The following NPC1 variants were observed in gnomAD, a reference collection of about 807,000 sequenced individuals.
The protein encoded by NPC1 is Niemann-Pick C1 protein.
NPC1 carries 85 observed loss-of-function variants against 140.4 expected under a neutral mutation model. The ratio of observed to expected loss-of-function variants is 0.61; its 90% CI spans 0.51 to 0.72. The LOEUF (loss-of-function observed/expected upper bound fraction) is 0.72, where lower values mean the gene tolerates loss of function less well. Ranked by LOEUF, NPC1 falls within the 30% of genes least tolerant of loss-of-function variation. NPC1 has a pLI of 0.00. For synonymous variants in NPC1, 656 were observed against 624.8 expected, an observed-to-expected ratio of 1.05 and a Z score of -0.74; for missense variants, 1,504 against 1,623.8, an observed-to-expected ratio of 0.93 and a Z score of 1.27.
intron 10 of NPC1, among the ~76,000 whole-genome samples, chr18:23,550,479 C>CTTTTTTTTTTCTT (rs2058854216): frequency 1.3e-5 from 1 of 74,922 alleles, no homozygotes; most frequent in Non-Finnish European, 2.2e-5. Flanking sequence ...TCTTACATTT[C>CTTTTTTTTTTCTT]TTTTTTTTTT....
At position 23,534,320 on chromosome 18, in the gene NPC1, G is replaced by C. The variant is rs186382973; in HGVS notation, c.3591+126C>G. On this transcript the variant is annotated intron_variant, in intron 23 of 24. Transcript: ENST00000269228. ...GTCCACGATGTGGCAGCTAATTCAT[G>C]AATTGCCTGAAAGCTTGCAATCCTT... 3.9e-4 allele frequency: 283 copies of C among 730,080 alleles called. 1 individual carries two copies. The African/African-American group carries it at 4.4e-3, about 11-fold the overall frequency. 45.2% of individuals were successfully genotyped at this position (730,080 alleles called of 1,614,324 possible). A position where few individuals can be genotyped will look rare whatever the true frequency, so the allele number is the denominator to read the frequency against.
At chr18:23,527,815 G>T (rs2058350658), downstream of NPC1, 2 of 1,613,964 alleles carry the variant, frequency 1.2e-6, no homozygotes, top group Non-Finnish European at 1.7e-6. Flanking sequence ...GTCAGACAGA[G>T]CATCGCTGCC....
rs370323921 is a variant in NPC1 at position 23,544,391 on chromosome 18, G to C, written c.2083C>G (p.Leu695Val). 11 of 1,614,066 alleles carry C rather than the reference G, an allele frequency of 6.8e-6. No individual in the cohort carries two copies. Among genetic ancestry groups the C allele is most frequent in the Non-Finnish European group, 9.3e-6 (11 of 1,180,034 alleles). The change falls in exon 13 of 25, where the codon CTG becomes GTG. Residue 695 changes from leucine (L) to valine (V), a missense_variant. Leu to Val is a conservative substitution (Grantham distance 32). Transcript: ENST00000269228. Reference protein sequence around the residue: ...IVIEVIPFLVLAVGVDNIFIL... With the variant: ...IVIEVIPFLVVAVGVDNIFIL... ...AAGATGTTGTCCACTCCAACAGCCA[G>C]CACCAGGAACGGGATGACTTCAATC...
At chr18:23,507,975 T>C in intron 3 of NPC1, 1 of 1,610,482 alleles carries the variant, frequency 6.2e-7, no homozygotes, top group East Asian at 2.2e-5. Flanking sequence ...CTGTGTGTTT[T>C]TCCTTTCAGG....
At chr18:23,573,602 G>A (rs1383706647) in intron 1 of NPC1, 28 bp from the exon 2 acceptor site, 1 of 1,613,968 alleles carries the variant, frequency 6.2e-7, no homozygotes, top group Non-Finnish European at 8.5e-7. Flanking sequence ...AAACTTCAGT[G>A]TTACCAGGGT....
downstream of NPC1, chr18:23,518,842 A>C (rs773357626): frequency 1.3e-6 from 2 of 1,554,976 alleles, no homozygotes; most frequent in African/African-American, 2.7e-5. Flanking sequence ...AGAACAAAGG[A>C]ATTTTGAATG....
intron 3 of NPC1, chr18:23,509,109 A>G: frequency 2.2e-6 from 1 of 451,712 alleles, no homozygotes; most frequent in Non-Finnish European, 3.7e-6. Context: ...AGAATGACAA[A>G]CTGCAGAGTT....
intron 17 of NPC1, 51 bp downstream of exon 17, chr18:23,540,397 T>C: frequency 1.7e-6 from 2 of 1,170,894 alleles, no homozygotes; most frequent in South Asian, 2.6e-5. Flanking sequence ...AAAAATGTAT[T>C]CATCATCAGC....
At chr18:23,572,285 A>T in intron 2 of NPC1, 105 bp from the exon 3 acceptor site, 2 of 759,808 alleles carry the variant, frequency 2.6e-6, no homozygotes, top group South Asian at 2.9e-5. Flanking sequence ...CTTTTGAAGT[A>T]CAAAAGGGTA....
At chr18:23,514,298 T>G (rs544557895) in intron 3 of NPC1, among the ~76,000 whole-genome samples, 120 of 152,360 alleles carry the variant, frequency 7.9e-4, no homozygotes, top group Non-Finnish European at 9.7e-4. Flanking sequence ...GGCGATCATC[T>G]GAGGTCAGGA....
In NPC1 at chr18:23,576,358, G is replaced by A. The variant is rs537304172; in HGVS notation, c.58-2784C>T. 3.0e-5 allele frequency: 12 copies of A among 401,246 alleles called. No individual in the cohort carries two copies. In the East Asian group the frequency reaches 1.6e-3, roughly 54 times the overall value. 24.9% of individuals were successfully genotyped at this position (401,246 alleles called of 1,614,324 possible). A position where few individuals can be genotyped will look rare whatever the true frequency, so the allele number is the denominator to read the frequency against. ...ATCAGCTTGAACCCAGGAGGTTGAGGCTGCAGTGAGCTGAGATAGCACCTC... is the reference window on the plus strand; with the variant it reads ...ATCAGCTTGAACCCAGGAGGTTGAGACTGCAGTGAGCTGAGATAGCACCTC... On this transcript the variant is annotated intron_variant, in intron 1 of 24. Transcript: ENST00000269228.
At position 23,561,409 on chromosome 18, in the gene NPC1, G is replaced by C; in HGVS notation, c.582C>G (p.Phe194Leu). The C allele has an allele frequency of 6.2e-7, 1 of 1,614,144 alleles. No individual in the cohort carries two copies. Among genetic ancestry groups the C allele is most frequent in the Non-Finnish European group, 8.5e-7 (1 of 1,180,018 alleles). Residue 194 changes from phenylalanine (F) to leucine (L), a missense_variant, in exon 5 of 25, where the codon TTC becomes TTG. Transcript: ENST00000269228. ...AAGGTGCCTGTCCATTGTCCTTATT[G>C]AACATGTATTCAATCCAGTTGGTGG... ...CNATNWIEYM[F>L]NKDNGQAPFT...
At position 23,568,936 on chromosome 18, in the gene NPC1, T is replaced by C. The variant is rs1567977251; in HGVS notation, c.350A>G (p.Gln117Arg). The part of the protein sequence containing the change: ...LFCELTCSPR[Q>R]SQFLNVTATE... ...AGCTGTAACATTCAAAAACTGACTC[T>C]GTCGAGGGCTACATGTCAGCTCACA... Residue 117 changes from glutamine (Q) to arginine (R), a missense_variant, in exon 4 of 25, where the codon CAG (glutamine) becomes CGG (arginine). Physicochemically the swap from Gln to Arg is conservative, Grantham distance 43. Coordinates refer to ENST00000269228, the MANE Select transcript of NPC1 (RefSeq NM_000271.5). 18 of 1,614,042 alleles carry C rather than the reference T, an allele frequency of 1.1e-5. No homozygotes were observed. The highest frequency in any genetic ancestry group is 1.5e-5 in the Non-Finnish European group (18 of 1,179,906).
rs140487015 is a variant in NPC1 at position 23,552,529 on chromosome 18, T to C, written c.1554-802A>G. On this transcript the variant is annotated intron_variant, in intron 9 of 24. Coordinates refer to ENST00000269228, the MANE Select transcript of NPC1 (RefSeq NM_000271.5). ...AGCTGTTTTACAAAGATAGCTTGCG[T>C]GGCAAAGTGGAAGGTCTGGAAACGG... Among the ~76,000 whole-genome samples the C allele has an allele frequency of 2.9e-3, 439 of 152,300 alleles. 1 individual carries two copies. Among genetic ancestry groups the C allele is most frequent in the Middle Eastern group, 0.01 (3 of 294 alleles).
At chr18:23,552,112 G>A (rs1473156074) in intron 9 of NPC1, among the ~76,000 whole-genome samples, 1 of 152,150 alleles carries the variant, frequency 6.6e-6, no homozygotes, top group African/African-American at 2.4e-5. Context: ...ACTGTGGGAG[G>A]AAAAAGGGAG....
chr18:23,560,625 T>C, intron 5 of NPC1, 145 bp from the exon 6 acceptor site: 1 of 949,600 alleles, frequency 1.1e-6, no homozygotes, highest in South Asian at 1.7e-5. Flanking sequence ...TTTAATTAAA[T>C]TATGTTTTGC....
At chr18:23,576,531 A>G (rs1449735734) in intron 1 of NPC1, 21 of 1,005,202 alleles carry the variant, frequency 2.1e-5, no homozygotes, top group Non-Finnish European at 2.4e-5. Context: ...TGCTCTTCAC[A>G]TTGTGTCCGG....
downstream of NPC1, among the ~76,000 whole-genome samples, chr18:23,527,038 C>G (rs1340244418): frequency 1.3e-5 from 2 of 152,056 alleles, no homozygotes; most frequent in Non-Finnish European, 2.9e-5. Flanking sequence ...GGCCTTCACA[C>G]ACACCTCTTT....
At chr18:23,547,171 T>C (rs1024189121) in intron 11 of NPC1, among the ~76,000 whole-genome samples, 37 of 152,060 alleles carry the variant, frequency 2.4e-4, no homozygotes, top group Admixed American at 6.6e-5. Flanking sequence ...CATATCTCAG[T>C]AAAACAATTT....
Sources: gnomAD v4.1 joint callset for allele counts (sites outside exome capture counted in the v4.1 genomes callset) on GRCh38, gnomAD v4.1.1 for gene constraint, MANE v1.5 for transcripts, NCBI Gene and HGNC (gene_info 2026-07-23, HGNC 2026-07-21) for gene names.